Variants in EIF2AK3 observed in about 807,000 individuals in gnomAD.
EIF2AK3 encodes eukaryotic translation initiation factor 2-alpha kinase 3.
EIF2AK3 carries 50 observed loss-of-function variants against 113.5 expected under a neutral mutation model. That is an observed-to-expected ratio of 0.44 (90% CI 0.35 to 0.56). EIF2AK3 has a LOEUF of 0.56. EIF2AK3 is among the 20% of genes least tolerant of loss of function. The pLI, the probability that EIF2AK3 is intolerant of heterozygous loss-of-function variation, is 0.00. For synonymous variants in EIF2AK3, 448 were observed against 495.4 expected (o/e 0.90, Z 1.27); for missense variants, 1,185 against 1,378.0 (o/e 0.86, Z 2.22).
intron 9 of EIF2AK3, among the ~76,000 whole-genome samples, chr2:88,585,230 A>G (rs1313437077): frequency 6.6e-6 from 1 of 152,120 alleles, no homozygotes; most frequent in Non-Finnish European, 1.5e-5. Context: ...GGTGACTGAT[A>G]AGGGAGAGCA....
intron 3 of EIF2AK3, among the ~76,000 whole-genome samples, chr2:88,595,217 A>C (rs1417661399): frequency 1.3e-5 from 2 of 151,110 alleles, no homozygotes; most frequent in Non-Finnish European, 3.0e-5. Context: ...AAAAAAAAAA[A>C]AAAAAAAAAA....
chr2:88,622,373 CA>C (rs771311054), intron 1 of EIF2AK3, among the ~76,000 whole-genome samples: 2 of 152,080 alleles, frequency 1.3e-5, no homozygotes, highest in Non-Finnish European at 2.9e-5. Context: ...AGGAGAAAAG[CA>C]AATGGAGTTA....
rs1159411533 is a variant in EIF2AK3, at chr2:88,590,452, C to T, written c.1156G>A (p.Val386Ile). The part of the protein sequence containing the change: ...EAARGATENS[V>I]YLGMYRGQLY... ...AGATACATTTACTCACCCAAGTAAA[C>T]ACTGTTTTCTGTGGCTCCTCTGGCA... The change falls in exon 6 of 17, where the codon GTT becomes ATT. Residue 386 changes from valine (V) to isoleucine (I), a missense_variant. This residue lies in a region of EIF2AK3 where 877 missense variants were observed against 1,024.2 expected (regional missense o/e 0.86). Transcript: ENST00000303236. The T allele has an allele frequency of 1.9e-6, 3 of 1,613,664 alleles. No individual in the cohort carries two copies. Among genetic ancestry groups the T allele is most frequent in the African/African-American group, 2.7e-5 (2 of 74,896 alleles).
intron 10 of EIF2AK3, 100 bp from the exon 11 acceptor site, chr2:88,579,740 C>A (rs1674551612): frequency 1.9e-6 from 2 of 1,047,828 alleles, no homozygotes; most frequent in Non-Finnish European, 1.4e-6. Flanking sequence ...AATGTATAAA[C>A]TCATAGAACT....
intron 1 of EIF2AK3, among the ~76,000 whole-genome samples, chr2:88,623,751 G>A (rs1465074233): frequency 6.6e-6 from 1 of 152,034 alleles, no homozygotes; most frequent in Non-Finnish European, 1.5e-5. Flanking sequence ...TTTATCTCCT[G>A]TTGACTATCA....
At chr2:88,594,842 A>C (rs986674661) in intron 3 of EIF2AK3, among the ~76,000 whole-genome samples, 10 of 151,008 alleles carry the variant, frequency 6.6e-5, no homozygotes, top group East Asian at 3.9e-4. Context: ...AAAAAAAAAA[A>C]AAAAAAACGA....
At chr2:88,566,557 G>A (rs986935918) in intron 14 of EIF2AK3, among the ~76,000 whole-genome samples, 2 of 151,826 alleles carry the variant, frequency 1.3e-5, no homozygotes, top group African/African-American at 2.4e-5. Flanking sequence ...TGTGTAGGAC[G>A]TGCAGGTCTG....
intron 1 of EIF2AK3, chr2:88,624,679 C>G (rs1225258691): frequency 6.6e-6 from 1 of 152,388 alleles, no homozygotes; most frequent in Non-Finnish European, 1.5e-5. Context: ...TCATTTCCAC[C>G]CGCCTACCTC....
intron 2 of EIF2AK3, among the ~76,000 whole-genome samples, chr2:88,604,289 C>T (rs527310116): frequency 5.4e-4 from 82 of 152,284 alleles, no homozygotes; most frequent in African/African-American, 1.9e-3. Flanking sequence ...TCTCCCAACC[C>T]TCATTCCTGT....
rs1324832088 is a variant in EIF2AK3 at position 88,593,260 on chromosome 2, C to T, written c.767+12G>A. On this transcript the variant is annotated intron_variant, in intron 4 of 16. Transcript: ENST00000303236. ...TAAATAATACCAACAGCAACATTAT[C>T]TGAATACACACTTCTCATTGCCACT... 6.2e-7 allele frequency: 1 copy of T among 1,613,992 alleles called. No homozygotes were observed. Among genetic ancestry groups the T allele is most frequent in the Non-Finnish European group, 8.5e-7 (1 of 1,179,918 alleles).
At chr2:88,621,294 TAA>T (rs1412103317) in intron 1 of EIF2AK3, among the ~76,000 whole-genome samples, 2 of 152,350 alleles carry the variant, frequency 1.3e-5, no homozygotes, top group African/African-American at 2.4e-5. Context: ...TATTTACAGT[TAA>T]GTTTATCAAA....
intron 1 of EIF2AK3, among the ~76,000 whole-genome samples, chr2:88,626,525 A>G (rs1406900597): frequency 1.3e-5 from 2 of 152,230 alleles, no homozygotes; most frequent in East Asian, 1.9e-4. Flanking sequence ...CGGGGGCACT[A>G]CAGAGTTGTG....
intron 15 of EIF2AK3, among the ~76,000 whole-genome samples, chr2:88,559,530 GTGTGTGTGTGTGTA>G (rs1048831117): frequency 1.3e-5 from 2 of 151,240 alleles, no homozygotes; most frequent in Admixed American, 1.3e-4. Flanking sequence ...GTGTGTGTGT[GTGTGTGTGTGTGTA>G]TGTACATTTA....
At chr2:88,584,527 GAAAAAAAAAAA>G (rs66817563) in intron 9 of EIF2AK3, among the ~76,000 whole-genome samples, 5 of 73,326 alleles carry the variant, frequency 6.8e-5, no homozygotes, top group African/African-American at 2.9e-4. Context: ...CCCTGTCTCT[GAAAAAAAAAAA>G]AAAAAAAAAA....
chr2:88,563,585 A>G (rs529277688), intron 14 of EIF2AK3, among the ~76,000 whole-genome samples: 4 of 152,218 alleles, frequency 2.6e-5, no homozygotes, highest in Admixed American at 6.5e-5. Context: ...TAATGATGCC[A>G]TCTAATTTTA....
chr2:88,590,656 A>T (rs1362125460), intron 5 of EIF2AK3, 51 bp from the exon 6 acceptor site: 2 of 1,595,648 alleles, frequency 1.3e-6, no homozygotes, highest in Non-Finnish European at 1.7e-6. Context: ...GTAGTTATAT[A>T]GTTCCAACCC....
chr2:88,627,481 A>T, upstream of EIF2AK3: 1 of 560,544 alleles, frequency 1.8e-6, no homozygotes, highest in East Asian at 3.6e-5. Context: ...GACATCGCCC[A>T]TTGAGCAAAC....
At chr2:88,599,757 C>G (rs1247916651) in intron 2 of EIF2AK3, among the ~76,000 whole-genome samples, 1 of 152,046 alleles carries the variant, frequency 6.6e-6, no homozygotes, top group East Asian at 1.9e-4. Context: ...TTAAAAACCT[C>G]TTTTCCTCTA....
chr2:88,604,813 T>C (rs933508380), intron 2 of EIF2AK3, among the ~76,000 whole-genome samples: 1 of 152,222 alleles, frequency 6.6e-6, no homozygotes, highest in South Asian at 2.1e-4. Context: ...AAGATGTCTT[T>C]GAGTAATTAA....
Sources: gnomAD v4.1 joint callset for allele counts (sites outside exome capture counted in the v4.1 genomes callset) on GRCh38, gnomAD v4.1.1 for gene constraint, gnomAD v4.1.1 regional missense constraint, MANE v1.5 for transcripts, NCBI Gene and HGNC (gene_info 2026-07-23, HGNC 2026-07-21) for gene names.